Variants in SNTB1 observed in about 807,000 individuals in gnomAD.
SNTB1 encodes beta-1-syntrophin.
SNTB1 carries 36 observed loss-of-function variants against 48.9 expected under a neutral mutation model. The ratio of observed to expected loss-of-function variants is 0.74; its 90% CI spans 0.56 to 0.97. SNTB1 has a LOEUF of 0.97. Ranked by LOEUF, SNTB1 falls within the 50% of genes least tolerant of loss-of-function variation. The probability of loss-of-function intolerance (pLI) is 0.00; values close to 1 mark genes in which losing one functional copy is unlikely to be tolerated. For synonymous variants in SNTB1, 299 were observed against 294.6 expected (o/e 1.01, Z -0.15); for missense variants, 786 against 703.4 (o/e 1.12, Z -1.33).
intron 3 of SNTB1, among the ~76,000 whole-genome samples, chr8:120,592,808 G>T (rs1189152510): frequency 1.3e-5 from 2 of 152,166 alleles, no homozygotes; most frequent in Non-Finnish European, 2.9e-5. Flanking sequence ...CTACTCTGGG[G>T]TCTCTGCAAT....
intron 1 of SNTB1, among the ~76,000 whole-genome samples, chr8:120,727,106 C>G (rs1021147574): frequency 2.6e-5 from 4 of 152,122 alleles, no homozygotes; most frequent in Non-Finnish European, 5.9e-5. Context: ...GAAAATGCAC[C>G]TCAGTAAAAA....
chr8:120,713,769 GTGTA>G (rs1461132628), intron 1 of SNTB1, among the ~76,000 whole-genome samples: 1 of 152,116 alleles, frequency 6.6e-6, no homozygotes, highest in African/African-American at 2.4e-5. Flanking sequence ...GTACTTTTTT[GTGTA>G]TGTCTGGCTG....
At chr8:120,770,582 C>T (rs1267543989) in intron 1 of SNTB1, among the ~76,000 whole-genome samples, 8 of 152,010 alleles carry the variant, frequency 5.3e-5, no homozygotes, top group African/African-American at 1.7e-4. Context: ...GAGACCAGGG[C>T]GGGCAGATCA....
At chr8:120,800,829 T>C (rs763618774) in intron 1 of SNTB1, among the ~76,000 whole-genome samples, 7 of 152,058 alleles carry the variant, frequency 4.6e-5, no homozygotes, top group Non-Finnish European at 1.0e-4. Flanking sequence ...GATACTGTCA[T>C]GGTCATAATT....
intron 3 of SNTB1, among the ~76,000 whole-genome samples, chr8:120,621,906 T>A (rs1269119465): frequency 6.6e-6 from 1 of 152,148 alleles, no homozygotes; most frequent in Non-Finnish European, 1.5e-5. Flanking sequence ...TTTGAACCAA[T>A]AATGTGAATT....
intron 1 of SNTB1, among the ~76,000 whole-genome samples, chr8:120,700,920 A>G (rs950076424): frequency 6.6e-6 from 1 of 152,238 alleles, no homozygotes; most frequent in Non-Finnish European, 1.5e-5. Context: ...CAAAAAAAGA[A>G]TTTCCAGATT....
rs148113989 is a variant in SNTB1, at chr8:120,549,742, T to A, written c.1137-784A>T. ...CTAGGTCCTACTTCTCATTCATTGC[T>A]TTTAAACACTGGGATCTTTCATGTC... On this transcript the variant is annotated intron_variant, in intron 4 of 6. Transcript: ENST00000517992. Among the ~76,000 whole-genome samples the A allele has an allele frequency of 6.9e-3, 1,046 of 152,356 alleles. 12 individuals carry two copies. The highest frequency in any genetic ancestry group is 0.024 in the African/African-American group (983 of 41,578).
At chr8:120,569,153 G>C (rs1357824169) in intron 4 of SNTB1, among the ~76,000 whole-genome samples, 1 of 152,064 alleles carries the variant, frequency 6.6e-6, no homozygotes, top group Non-Finnish European at 1.5e-5. Context: ...GCTAATTTTT[G>C]TATTTTTAGT....
rs746935430 is a variant in SNTB1, at chr8:120,583,685, C to T, written c.997-8460G>A. Among the ~76,000 whole-genome samples the T allele has an allele frequency of 3.7e-4, 56 of 152,172 alleles. 1 individual carries two copies. Among genetic ancestry groups the T allele is most frequent in the Non-Finnish European group, 7.1e-4 (48 of 68,018 alleles). On this transcript the variant is annotated intron_variant, in intron 3 of 6. Coordinates refer to ENST00000517992, the MANE Select transcript of SNTB1 (RefSeq NM_021021.4). ...TCTATCAAATAGTTAAGAAATAATA[C>T]CAATTATATATAATTCTTTCAGAAA...
intron 5 of SNTB1, among the ~76,000 whole-genome samples, chr8:120,545,087 T>C (rs1190289935): frequency 6.6e-6 from 1 of 152,224 alleles, no homozygotes; most frequent in Non-Finnish European, 1.5e-5. Context: ...CTCATGCCTG[T>C]AATCCCAGCA....
At chr8:120,737,919 C>G (rs1291716263) in intron 1 of SNTB1, among the ~76,000 whole-genome samples, 1 of 152,134 alleles carries the variant, frequency 6.6e-6, no homozygotes, top group Admixed American at 6.5e-5. Flanking sequence ...AAAGTGAGAA[C>G]TTTATAGCAC....
rs150453692 is a variant in SNTB1, at chr8:120,637,090, C to T, written c.789-4439G>A. 3.4e-5 allele frequency: 13 copies of T among 378,016 alleles called. No individual in the cohort carries two copies. In the East Asian group the frequency reaches 1.0e-3, roughly 29 times the overall value. The allele number at this position is 378,016 out of a possible 1,614,324, so 23.4% of individuals were successfully genotyped here. On this transcript the variant is annotated intron_variant, in intron 2 of 6. Coordinates refer to ENST00000517992, the MANE Select transcript of SNTB1 (RefSeq NM_021021.4). Reference sequence around the variant, plus strand: ...TCAGCTAAAGGAGAAGATGCAGGAGCATTGGCCAGTGTTTGCAGGCTTGGA... The same window carrying T: ...TCAGCTAAAGGAGAAGATGCAGGAGTATTGGCCAGTGTTTGCAGGCTTGGA...
Position 120,632,430 on chromosome 8 carries a change from G to A in SNTB1, c.996+14C>T. 6.2e-7 allele frequency: 1 copy of A among 1,611,460 alleles called. No homozygotes were observed. Among genetic ancestry groups the A allele is most frequent in the Non-Finnish European group, 8.5e-7 (1 of 1,178,888 alleles). ...GGGGAGGACGACTATTACAGAGGAA[G>A]GTATTTTCCTTACCTTTTCTGCAAG... On this transcript the variant is annotated intron_variant, in intron 3 of 6. Coordinates refer to ENST00000517992, the MANE Select transcript of SNTB1 (RefSeq NM_021021.4).
chr8:120,606,252 ATAAT>A (rs1484375395), intron 3 of SNTB1, among the ~76,000 whole-genome samples: 1 of 147,080 alleles, frequency 6.8e-6, no homozygotes, highest in African/African-American at 2.5e-5. Flanking sequence ...ATAATAATAT[ATAAT>A]TATTTATAAC....
chr8:120,762,751 GT>G (rs1177480437), intron 1 of SNTB1, among the ~76,000 whole-genome samples: 1 of 152,030 alleles, frequency 6.6e-6, no homozygotes, highest in African/African-American at 2.4e-5. Context: ...GTTTATTCTT[GT>G]TTATACCCCA....
chr8:120,690,872 T>G (rs1330634088), intron 2 of SNTB1, among the ~76,000 whole-genome samples: 1 of 152,224 alleles, frequency 6.6e-6, no homozygotes, highest in East Asian at 1.9e-4. Context: ...CCCAATCTTC[T>G]TGTTAGAAGC....
At chr8:120,673,230 G>GC (rs1811535051) in intron 2 of SNTB1, among the ~76,000 whole-genome samples, 1 of 151,916 alleles carries the variant, frequency 6.6e-6, no homozygotes. Context: ...CTGCTAAAAT[G>GC]CCCCAAAGTA....
At chr8:120,659,397 G>A (rs1243364194) in intron 2 of SNTB1, among the ~76,000 whole-genome samples, 1 of 152,092 alleles carries the variant, frequency 6.6e-6, no homozygotes, top group Non-Finnish European at 1.5e-5. Context: ...ATTTGTTCAA[G>A]TTTTATCATG....
chr8:120,785,070 A>AC (rs1819899560), intron 1 of SNTB1, among the ~76,000 whole-genome samples: 1 of 152,272 alleles, frequency 6.6e-6, no homozygotes, highest in Admixed American at 6.5e-5. Flanking sequence ...ATGGAGGGAA[A>AC]CCGTTCTTCA....
Sources: allele counts gnomAD v4.1 joint callset (sites outside exome capture counted in the v4.1 genomes callset), GRCh38; gene constraint gnomAD v4.1.1; transcripts MANE v1.5; gene names NCBI Gene and HGNC (gene_info 2026-07-23, HGNC 2026-07-21).